The following TTC7B variants were observed in gnomAD, a reference collection of about 807,000 sequenced individuals.
The protein encoded by TTC7B is tetratricopeptide repeat domain 7B.
TTC7B carries 28 observed loss-of-function variants against 106.8 expected under a neutral mutation model. That is an observed-to-expected ratio of 0.26 (90% CI 0.19 to 0.36). The LOEUF is 0.36. Among genes scored for constraint, TTC7B ranks in the 10% least tolerant of loss-of-function variants. The probability of loss-of-function intolerance (pLI) is 1.00; values close to 1 mark genes in which losing one functional copy is unlikely to be tolerated. For missense variants in TTC7B, 862 were observed against 1,076.4 expected (o/e 0.80, Z 2.79); for synonymous variants, 405 against 430.6 (o/e 0.94, Z 0.74).
rs138615899 is a variant in TTC7B at position 90,680,010 on chromosome 14, C to G, written c.1014+462G>C. ...AGGAGGATGAGAGTTTCATCAAGCT[C>G]CTGCTGTGAAGACCAGAGCTTTATA... On this transcript the variant is annotated intron_variant, in intron 8 of 19. Coordinates refer to ENST00000328459, the MANE Select transcript of TTC7B (RefSeq NM_001010854.2). 3.9e-5 allele frequency among the ~76,000 whole-genome samples: 6 copies of G among 152,314 alleles called. No homozygotes were observed. The East Asian group carries it at 1.2e-3, about 29-fold the overall frequency.
chr14:90,601,249 T>C (rs769311530), intron 17 of TTC7B, among the ~76,000 whole-genome samples: 1 of 152,222 alleles, frequency 6.6e-6, no homozygotes, highest in Non-Finnish European at 1.5e-5. Context: ...CTCCCATATA[T>C]ACCTAGATTT....
At chr14:90,731,273 A>G (rs916389043) in intron 4 of TTC7B, among the ~76,000 whole-genome samples, 4 of 152,120 alleles carry the variant, frequency 2.6e-5, no homozygotes, top group Non-Finnish European at 5.9e-5. Flanking sequence ...CTTTAAACTC[A>G]CAAGTCAAAG....
At chr14:90,576,241 C>A (rs563788897) in intron 19 of TTC7B, among the ~76,000 whole-genome samples, 1 of 152,004 alleles carries the variant, frequency 6.6e-6, no homozygotes, top group East Asian at 1.9e-4. Flanking sequence ...TGGGACATGG[C>A]GGGGATTGTA....
chr14:90,753,838 G>A (rs1468666107), intron 3 of TTC7B, among the ~76,000 whole-genome samples: 1 of 152,218 alleles, frequency 6.6e-6, no homozygotes, highest in African/African-American at 2.4e-5. Flanking sequence ...AGAAGAGGAT[G>A]CCAGCCTTGG....
chr14:90,570,724 C>T lies in TTC7B; in HGVS notation c.2310+7382G>A, dbSNP rs141617180. On this transcript the variant is annotated intron_variant, in intron 19 of 19. Coordinates refer to ENST00000328459, the MANE Select transcript of TTC7B (RefSeq NM_001010854.2). This position sits in a 1 kb window ranked among gnomAD's most constrained non-coding sequence, Gnocchi z 4.0. ...GACGCAAAGGATCTCCCAGCCCAGG[C>T]GCGACCTGGATTACAGAGAATGACA... is the stretch of plus-strand genomic sequence containing the variant. Among the ~76,000 whole-genome samples the T allele has an allele frequency of 2.4e-3, 369 of 152,334 alleles. 2 individuals carry two copies. The highest frequency in any genetic ancestry group is 8.5e-3 in the African/African-American group (354 of 41,562).
chr14:90,640,341 T>G (rs997064086), intron 15 of TTC7B, among the ~76,000 whole-genome samples: 1 of 151,592 alleles, frequency 6.6e-6, no homozygotes, highest in Non-Finnish European at 1.5e-5. Context: ...GAGAGAATGA[T>G]TAACATAGAA....
intron 1 of TTC7B, among the ~76,000 whole-genome samples, chr14:90,793,734 G>A (rs576705961): frequency 2.7e-4 from 41 of 150,902 alleles, no homozygotes; most frequent in African/African-American, 4.9e-4. Context: ...TCAGCCTCCC[G>A]AGTAGCTGGG....
chr14:90,655,186 C>A, intron 11 of TTC7B, 76 bp from the exon 12 acceptor site: 1 of 1,095,120 alleles, frequency 9.1e-7, no homozygotes, highest in Non-Finnish European at 1.4e-6. Context: ...CGTCTGCTGC[C>A]AAAATTGGAT....
Position 90,588,903 on chromosome 14 carries a change from A to C in TTC7B, c.2107+4583T>G, listed in dbSNP as rs397765388. Among the ~76,000 whole-genome samples the C allele has an allele frequency of 1.5e-3, 222 of 148,302 alleles. 1 individual carries two copies. Among genetic ancestry groups the C allele is most frequent in the African/African-American group, 5.3e-3 (212 of 39,762 alleles). On this transcript the variant is annotated intron_variant, in intron 18 of 19. Coordinates refer to ENST00000328459, the MANE Select transcript of TTC7B (RefSeq NM_001010854.2). ...ACAAAAACTAAAAAAAAAAAAAAAAAAAACCCTTGGAAGATGTTTACAGCA... is the reference window on the plus strand; with the variant it reads ...ACAAAAACTAAAAAAAAAAAAAAAACAAACCCTTGGAAGATGTTTACAGCA...
chr14:90,687,584 G>A lies in TTC7B; in HGVS notation c.950+1956C>T, dbSNP rs146633185. On this transcript the variant is annotated intron_variant, in intron 7 of 19. Transcript: ENST00000328459. ...GGTTATTAAGAAGCATCTAAAGCAGGGGAAAACTTTAGAGTCTATTTTTAT... is the reference window on the plus strand; with the variant it reads ...GGTTATTAAGAAGCATCTAAAGCAGAGGAAAACTTTAGAGTCTATTTTTAT... 2.1e-3 allele frequency among the ~76,000 whole-genome samples: 321 copies of A among 152,216 alleles called. 10 individuals carry two copies. The East Asian group carries it at 0.057, about 27-fold the overall frequency.
At chr14:90,581,729 G>A (rs1176010344) in intron 18 of TTC7B, among the ~76,000 whole-genome samples, 1 of 152,190 alleles carries the variant, frequency 6.6e-6, no homozygotes, top group Non-Finnish European at 1.5e-5. Context: ...AATCAATGTG[G>A]AGAAAGCCAT....
chr14:90,816,028 G>T (rs2031160508), intron 1 of TTC7B, 147 bp downstream of exon 1: 2 of 933,414 alleles, frequency 2.1e-6, no homozygotes, highest in African/African-American at 1.8e-5. Context: ...CCCAGGCCCC[G>T]GTCCCGCGCA....
At chr14:90,708,684 T>C (rs1888312810) in intron 5 of TTC7B, among the ~76,000 whole-genome samples, 1 of 152,226 alleles carries the variant, frequency 6.6e-6, no homozygotes, top group Non-Finnish European at 1.5e-5. Flanking sequence ...GTTGTTTTCA[T>C]GCCTGCTAAC....
intron 6 of TTC7B, among the ~76,000 whole-genome samples, chr14:90,691,990 G>A (rs960719666): frequency 2.0e-5 from 3 of 152,126 alleles, no homozygotes; most frequent in East Asian, 1.9e-4. Context: ...ACCAGCTTCC[G>A]TTACTTAGCA....
At chr14:90,652,787 T>C in intron 13 of TTC7B, 54 bp downstream of exon 13, 1 of 1,575,462 alleles carries the variant, frequency 6.3e-7, no homozygotes, top group Non-Finnish European at 8.7e-7. Context: ...TTTATACTCA[T>C]CATACTTTGG....
rs1375090679 is a variant in TTC7B at position 90,578,034 on chromosome 14, A to T, written c.2310+72T>A. 1.1e-5 allele frequency: 16 copies of T among 1,520,308 alleles called. No homozygotes were observed. Among genetic ancestry groups the T allele is most frequent in the Non-Finnish European group, 1.2e-5 (14 of 1,124,012 alleles). The allele number at this position is 1,520,308 out of a possible 1,614,324, so 94.2% of individuals were successfully genotyped here. A position where few individuals can be genotyped will look rare whatever the true frequency, so the allele number is the denominator to read the frequency against. On this transcript the variant is annotated intron_variant, in intron 19 of 19. Transcript: ENST00000328459. This position sits in a 1 kb window ranked among gnomAD's most constrained non-coding sequence, Gnocchi z 4.7. ...GGAAGCAGAAGAGGGTGTGAGGGTC[A>T]TGTGCTACCTGCCGCTTCCAAGGGC... is the stretch of plus-strand genomic sequence containing the variant.
At chr14:90,648,140 A>T (rs1885549162) in intron 13 of TTC7B, among the ~76,000 whole-genome samples, 1 of 152,102 alleles carries the variant, frequency 6.6e-6, no homozygotes, top group Non-Finnish European at 1.5e-5. Context: ...GTCATTGTTT[A>T]TGCAAATGTA....
chr14:90,809,250 A>T (rs957552279), intron 1 of TTC7B, among the ~76,000 whole-genome samples: 1 of 152,226 alleles, frequency 6.6e-6, no homozygotes, highest in African/African-American at 2.4e-5. Context: ...TTAAGCATGG[A>T]TGTCACCCTT....
intron 3 of TTC7B, chr14:90,766,766 T>C: frequency 6.4e-7 from 1 of 1,571,940 alleles, no homozygotes; most frequent in Non-Finnish European, 8.7e-7. Flanking sequence ...CAGTACAAGA[T>C]CCCAGACTGG....
Sources: allele counts gnomAD v4.1 joint callset (sites outside exome capture counted in the v4.1 genomes callset), GRCh38; gene constraint gnomAD v4.1.1; non-coding constraint Gnocchi (gnomAD v3.1); transcripts MANE v1.5; gene names NCBI Gene and HGNC (gene_info 2026-07-23, HGNC 2026-07-21).